MCC: variants seen among roughly 807,000 people sequenced by gnomAD.
The protein encoded by MCC is MCC regulator of Wnt signaling pathway.
A neutral mutation model predicts 116.2 loss-of-function variants in MCC; 90 were observed. The ratio of observed to expected loss-of-function variants is 0.77; its 90% CI spans 0.65 to 0.92. The LOEUF (loss-of-function observed/expected upper bound fraction) is 0.92, where lower values mean the gene tolerates loss of function less well. MCC is among the 40% of genes least tolerant of loss of function. The pLI is 0.00. For synonymous variants in MCC, 578 were observed against 510.5 expected, an observed-to-expected ratio of 1.13 and a Z score of -1.78; for missense variants, 1,516 against 1,312.2, an observed-to-expected ratio of 1.16 and a Z score of -2.40.
intron 10 of MCC, 98 bp from the exon 11 acceptor site, chr5:113,083,106 G>A (rs1239099972): frequency 8.3e-6 from 10 of 1,198,908 alleles, no homozygotes; most frequent in South Asian, 1.5e-5. Context: ...CGTGAGAATC[G>A]GGGACTGGGA....
intron 3 of MCC, among the ~76,000 whole-genome samples, chr5:113,167,411 G>A (rs1428268474): frequency 2.0e-5 from 3 of 152,080 alleles, no homozygotes; most frequent in South Asian, 2.1e-4. Flanking sequence ...AGGGCTACCC[G>A]GAAAAGTGAC....
chr5:113,314,099 G>T (rs1367314104), intron 3 of MCC, among the ~76,000 whole-genome samples: 1 of 151,878 alleles, frequency 6.6e-6, no homozygotes, highest in Non-Finnish European at 1.5e-5. Flanking sequence ...GATTACAGGT[G>T]TGAGCCACTG....
intron 3 of MCC, among the ~76,000 whole-genome samples, chr5:113,258,752 T>C (rs1172721835): frequency 6.6e-6 from 1 of 152,250 alleles, no homozygotes; most frequent in Non-Finnish European, 1.5e-5. Flanking sequence ...CATTATGGCT[T>C]ATGCTTTACA....
intron 1 of MCC, among the ~76,000 whole-genome samples, chr5:113,481,746 T>TA (rs989656868): frequency 2.0e-5 from 3 of 152,058 alleles, no homozygotes; most frequent in Admixed American, 2.0e-4. Flanking sequence ...CTCAAAAAAA[T>TA]AAAAAATAAA....
chr5:113,131,514 G>C (rs1758426096), intron 5 of MCC, among the ~76,000 whole-genome samples: 1 of 151,974 alleles, frequency 6.6e-6, no homozygotes, highest in South Asian at 2.1e-4. Context: ...CATTAGGCAG[G>C]GTTCAGTTAG....
At chr5:113,323,613 C>T (rs973292307) in intron 3 of MCC, among the ~76,000 whole-genome samples, 1 of 152,254 alleles carries the variant, frequency 6.6e-6, no homozygotes, top group South Asian at 2.1e-4. Flanking sequence ...GTCACAGAGG[C>T]GGTCTTAGCC....
At chr5:113,030,119 T>TA (rs1750853878) in intron 17 of MCC, among the ~76,000 whole-genome samples, 1 of 152,196 alleles carries the variant, frequency 6.6e-6, no homozygotes. Context: ...ATGTAGAATG[T>TA]AAATTTGCAT....
chr5:113,041,121 G>A (rs1242687634), intron 17 of MCC, among the ~76,000 whole-genome samples: 1 of 152,152 alleles, frequency 6.6e-6, no homozygotes, highest in Non-Finnish European at 1.5e-5. Context: ...AGAGGCTCTG[G>A]CAAAGTACAA....
chr5:113,303,168 T>C (rs1352251462), intron 3 of MCC, among the ~76,000 whole-genome samples: 1 of 152,200 alleles, frequency 6.6e-6, no homozygotes, highest in Non-Finnish European at 1.5e-5. Flanking sequence ...TCAATAGCAG[T>C]TGCATATATG....
chr5:113,151,809 C>T (rs542941058), intron 3 of MCC, among the ~76,000 whole-genome samples: 7 of 152,228 alleles, frequency 4.6e-5, no homozygotes, highest in South Asian at 4.1e-4. Flanking sequence ...TTTTCACCTT[C>T]GGAAAATATG....
At chr5:113,047,541 A>T (rs1752177476) in intron 16 of MCC, among the ~76,000 whole-genome samples, 2 of 152,216 alleles carry the variant, frequency 1.3e-5, no homozygotes, top group Admixed American at 1.3e-4. Context: ...ACATGACATC[A>T]GTACTGTTCC....
intron 3 of MCC, among the ~76,000 whole-genome samples, chr5:113,324,911 C>A (rs1264251233): frequency 6.6e-6 from 1 of 151,510 alleles, no homozygotes; most frequent in Non-Finnish European, 1.5e-5. Context: ...TAGCTCACTG[C>A]AGCCTCAAAC....
intron 1 of MCC, among the ~76,000 whole-genome samples, chr5:113,400,720 A>C (rs565626021): frequency 6.6e-6 from 1 of 152,208 alleles, no homozygotes; most frequent in East Asian, 1.9e-4. Context: ...TGCCTTGTAA[A>C]AGGAAATCTG....
intron 1 of MCC, among the ~76,000 whole-genome samples, chr5:113,484,365 C>T (rs1487224841): frequency 1.3e-5 from 2 of 152,072 alleles, no homozygotes; most frequent in African/African-American, 4.8e-5. Flanking sequence ...TTCCAATATA[C>T]ATGAACATAC....
chr5:113,282,450 T>G (rs1156440158), intron 3 of MCC, among the ~76,000 whole-genome samples: 2 of 152,168 alleles, frequency 1.3e-5, no homozygotes, highest in African/African-American at 4.8e-5. Context: ...TGAGAAACAG[T>G]TTTGGAAGTC....
At chr5:113,164,633 C>G (rs1760676614) in intron 3 of MCC, among the ~76,000 whole-genome samples, 1 of 152,208 alleles carries the variant, frequency 6.6e-6, no homozygotes, top group Non-Finnish European at 1.5e-5. Flanking sequence ...CTACAATGAA[C>G]TCATTTCACA....
intron 11 of MCC, among the ~76,000 whole-genome samples, chr5:113,074,735 A>G (rs1268360904): frequency 6.6e-6 from 1 of 152,248 alleles, no homozygotes; most frequent in Non-Finnish European, 1.5e-5. Context: ...GAACTACATG[A>G]TGCATGCAAA....
intron 1 of MCC, among the ~76,000 whole-genome samples, chr5:113,487,753 G>A (rs566071653): frequency 6.6e-6 from 1 of 152,374 alleles, no homozygotes; most frequent in South Asian, 2.1e-4. Context: ...TGCGGCACAA[G>A]AAAGTTTCTT....
chr5:113,383,959 A>G (rs1165043473), intron 2 of MCC, among the ~76,000 whole-genome samples: 2 of 152,216 alleles, frequency 1.3e-5, no homozygotes, highest in Non-Finnish European at 2.9e-5. Flanking sequence ...CCTAGCAGAG[A>G]AACAATGAGA....
Sources: gnomAD v4.1 joint callset for allele counts (sites outside exome capture counted in the v4.1 genomes callset) on GRCh38, gnomAD v4.1.1 for gene constraint, MANE v1.5 for transcripts, NCBI Gene and HGNC (gene_info 2026-07-23, HGNC 2026-07-21) for gene names.